The following DYNC2I2 variants were observed in gnomAD, a reference collection of about 807,000 sequenced individuals.
DYNC2I2 encodes dynein 2 intermediate chain 2.
In DYNC2I2, 39 loss-of-function variants were observed where a neutral mutation model predicts 52.0. The observed-to-expected ratio is 0.75, with a 90% CI of 0.58 to 0.98. The LOEUF (loss-of-function observed/expected upper bound fraction) is 0.98. DYNC2I2 is among the 50% of genes least tolerant of loss of function. The probability of loss-of-function intolerance (pLI) is 0.00; values close to 1 mark genes in which losing one functional copy is unlikely to be tolerated. For missense variants in DYNC2I2, 743 were observed against 728.4 expected, an observed-to-expected ratio of 1.02 and a Z score of -0.23; for synonymous variants, 359 against 321.1, an observed-to-expected ratio of 1.12 and a Z score of -1.26.
In DYNC2I2 at chr9:128,635,262, G is replaced by C. The variant is rs753246830; in HGVS notation, c.814-3C>G. ...CCAGGCTCGGGCAGCCACACCACCT[G>C]AGTTAACAGCATGCAGGGCCAGGAT... On this transcript the variant is annotated splice_polypyrimidine_tract_variant and splice_region_variant and intron_variant, in intron 5 of 8. Transcript: ENST00000372715. The C allele has an allele frequency of 1.2e-6, 2 of 1,612,432 alleles. No homozygotes were observed. The highest frequency in any genetic ancestry group is 4.5e-5 in the East Asian group (2 of 44,858).
chr9:128,646,064 T>C (rs1860612236), intron 1 of DYNC2I2, among the ~76,000 whole-genome samples: 1 of 152,104 alleles, frequency 6.6e-6, no homozygotes, highest in Non-Finnish European at 1.5e-5. Context: ...CTCATGAGGT[T>C]TAAGGGAAGA....
At chr9:128,657,251 T>C (rs901843786), upstream of DYNC2I2, among the ~76,000 whole-genome samples, 42 of 152,186 alleles carry the variant, frequency 2.8e-4, no homozygotes, top group African/African-American at 9.9e-4. Context: ...ATCCTAAATG[T>C]GGTTAAAAAG....
chr9:128,668,211 G>A, the DYNC2I2 span, among the ~76,000 whole-genome samples: 2 of 150,870 alleles, frequency 1.3e-5, no homozygotes, highest in East Asian at 2.0e-4. Context: ...CGCCCGCCTT[G>A]GCCTCCCAAA....
upstream of DYNC2I2, among the ~76,000 whole-genome samples, chr9:128,660,148 G>A (rs538958245): frequency 4.0e-5 from 6 of 150,986 alleles, no homozygotes; most frequent in East Asian, 5.8e-4. Flanking sequence ...TCGCTCTGTC[G>A]CCCAGGCTGG....
In DYNC2I2 at chr9:128,644,275, C is replaced by CTTTT. The variant is rs10660438; in HGVS notation, c.187-3340_187-3337dup. Among the ~76,000 whole-genome samples, 15 of 146,888 alleles carry CTTTT rather than the reference C, an allele frequency of 1.0e-4. 1 individual carries two copies. Among genetic ancestry groups the CTTTT allele is most frequent in the African/African-American group, 3.0e-4 (12 of 39,596 alleles). On this transcript the variant is annotated intron_variant, in intron 1 of 8. Coordinates refer to ENST00000372715, the MANE Select transcript of DYNC2I2 (RefSeq NM_052844.4). Reference sequence around the variant, plus strand: ...GGTGATCGACTTGAACCCAGGCGGCCTTTTTTTTTTTTTGAGACAGGGTCT... The same window carrying CTTTT: ...GGTGATCGACTTGAACCCAGGCGGCCTTTTTTTTTTTTTTTTTGAGACAGGGTCT...
intron 6 of DYNC2I2, 34 bp downstream of exon 6, chr9:128,635,058 C>A (rs770390295): frequency 1.3e-6 from 2 of 1,595,362 alleles, no homozygotes; most frequent in Non-Finnish European, 1.7e-6. Flanking sequence ...GGCTCACCGG[C>A]GCAGGCCAGG....
rs541309511 is a variant in DYNC2I2 at position 128,634,390 on chromosome 9, G to C, written c.1215-7C>G. ...AGCGCTCAGGAAGAGATTCCTAGACGGGATGCAGGGGGCCAGGCAAGGGAA... is the reference window on the plus strand; with the variant it reads ...AGCGCTCAGGAAGAGATTCCTAGACCGGATGCAGGGGGCCAGGCAAGGGAA... On this transcript the variant is annotated splice_region_variant and splice_polypyrimidine_tract_variant and intron_variant, in intron 7 of 8. Transcript: ENST00000372715. 1.9e-6 allele frequency: 3 copies of C among 1,567,386 alleles called. No individual in the cohort carries two copies. The highest frequency in any genetic ancestry group is 1.7e-6 in the Non-Finnish European group (2 of 1,158,032).
chr9:128,680,567 C>T, the DYNC2I2 span, among the ~76,000 whole-genome samples: 1 of 150,728 alleles, frequency 6.6e-6, no homozygotes, highest in South Asian at 2.1e-4. Context: ...TTAGTAGAGA[C>T]GGGGTTTCAC....
chr9:128,635,338 C>T (rs995119270), intron 5 of DYNC2I2, 79 bp from the exon 6 acceptor site: 2 of 1,482,638 alleles, frequency 1.3e-6, no homozygotes, highest in African/African-American at 2.8e-5. Context: ...TACCCTCCCT[C>T]TCTTCCAGGA....
At chr9:128,636,126 C>T in intron 4 of DYNC2I2, 155 bp downstream of exon 4, 1 of 1,173,822 alleles carries the variant, frequency 8.5e-7, no homozygotes, top group Non-Finnish European at 1.2e-6. Flanking sequence ...CCTCAGGGCT[C>T]ACTGCAGACC....
the DYNC2I2 span, among the ~76,000 whole-genome samples, chr9:128,667,582 C>CT: frequency 6.7e-6 from 1 of 149,790 alleles, no homozygotes; most frequent in Non-Finnish European, 1.5e-5. Context: ...GTATTTTTTT[C>CT]TTTTTTGAGA....
chr9:128,672,418 T>C, the DYNC2I2 span, among the ~76,000 whole-genome samples: 13 of 150,582 alleles, frequency 8.6e-5, no homozygotes, highest in African/African-American at 2.9e-4. Flanking sequence ...AGTCTCAAAC[T>C]CCTGACCTCA....
At chr9:128,638,895 T>G (rs1860461490) in intron 2 of DYNC2I2, among the ~76,000 whole-genome samples, 1 of 152,192 alleles carries the variant, frequency 6.6e-6, no homozygotes, top group African/African-American at 2.4e-5. Context: ...ACAACACGCA[T>G]GAACCTATTA....
the DYNC2I2 span, among the ~76,000 whole-genome samples, chr9:128,663,952 CTTT>C: frequency 4.2e-4 from 43 of 101,984 alleles, no homozygotes; most frequent in South Asian, 6.0e-4. Context: ...TGCACCCAGG[CTTT>C]TTTTTTTTTT....
the DYNC2I2 span, among the ~76,000 whole-genome samples, chr9:128,670,939 T>G: frequency 6.6e-6 from 1 of 150,622 alleles, no homozygotes; most frequent in African/African-American, 2.4e-5. Flanking sequence ...TGGTGGCACG[T>G]GCCTGTAATC....
chr9:128,677,557 G>A, the DYNC2I2 span, among the ~76,000 whole-genome samples: 5 of 151,946 alleles, frequency 3.3e-5, no homozygotes, highest in East Asian at 1.9e-4. Flanking sequence ...AGCACTTTGC[G>A]TCGGCTGAGG....
upstream of DYNC2I2, among the ~76,000 whole-genome samples, chr9:128,659,441 G>T (rs1860892160): frequency 6.7e-6 from 1 of 150,118 alleles, no homozygotes; most frequent in Non-Finnish European, 1.5e-5. Context: ...CTTGCGGTGA[G>T]CAGAGATCGC....
At chr9:128,661,990 C>T in the DYNC2I2 span, among the ~76,000 whole-genome samples, 2 of 151,534 alleles carry the variant, frequency 1.3e-5, no homozygotes, top group African/African-American at 4.9e-5. Context: ...TGCTGTGAGC[C>T]GAGATTGCAC....
intron 7 of DYNC2I2, 98 bp from the exon 8 acceptor site, chr9:128,634,481 GA>G: frequency 6.9e-7 from 1 of 1,458,578 alleles, no homozygotes; most frequent in East Asian, 2.3e-5. Flanking sequence ...CCAGGCTCGT[GA>G]AGAGCCTCCC....
Sources: allele counts gnomAD v4.1 joint callset (sites outside exome capture counted in the v4.1 genomes callset), GRCh38; gene constraint gnomAD v4.1.1; transcripts MANE v1.5; gene names NCBI Gene and HGNC (gene_info 2026-07-23, HGNC 2026-07-21).